KIF2A: variants seen among roughly 807,000 people sequenced by gnomAD.
The protein encoded by KIF2A is kinesin family member 2A, also known as kinesin-like protein KIF2A.
KIF2A carries 22 observed loss-of-function variants against 100.2 expected under a neutral mutation model. That is an observed-to-expected ratio of 0.22 (90% CI 0.16 to 0.31). KIF2A has a LOEUF of 0.31. KIF2A is among the 10% of genes least tolerant of loss of function. The pLI is 1.00. For synonymous variants in KIF2A, 268 were observed against 285.9 expected, an observed-to-expected ratio of 0.94 and a Z score of 0.63; for missense variants, 495 against 898.7, an observed-to-expected ratio of 0.55 and a Z score of 5.74.
At position 62,358,202 on chromosome 5, in the gene KIF2A, C is replaced by A; in HGVS notation, c.775C>A (p.Pro259Thr). 1 of 1,601,850 alleles carries A rather than the reference C, an allele frequency of 6.2e-7. No homozygotes were observed. The highest frequency in any genetic ancestry group is 1.7e-5 in the Admixed American group (1 of 57,224). Residue 259 changes from proline (P) to threonine (T), a missense_variant, in exon 9 of 21, where the codon CCA (proline) becomes ACA (threonine). By Grantham distance (38) the Pro-to-Thr change is conservative. Coordinates refer to ENST00000407818, the MANE Select transcript of KIF2A (RefSeq NM_001098511.3). Reference protein sequence around the residue: ...PSKDVVMVHEPKQKVDLTRYL... With the variant: ...PSKDVVMVHETKQKVDLTRYL... ...TAAAGATGTTGTGATGGTACATGAACCAAAACAAAAAGTAGATTTAACAAG... is the reference window on the plus strand; with the variant it reads ...TAAAGATGTTGTGATGGTACATGAAACAAAACAAAAAGTAGATTTAACAAG...
chr5:62,338,685 T>TA (rs1747109192), intron 1 of KIF2A, among the ~76,000 whole-genome samples: 1 of 152,114 alleles, frequency 6.6e-6, no homozygotes, highest in African/African-American at 2.4e-5. Context: ...AAAAAATCCA[T>TA]AATGGAAAAA....
chr5:62,342,887 G>C (rs1202527825), intron 1 of KIF2A, among the ~76,000 whole-genome samples: 1 of 151,690 alleles, frequency 6.6e-6, no homozygotes, highest in East Asian at 1.9e-4. Flanking sequence ...TGAGTAGCTG[G>C]GATTACAGGC....
At chr5:62,322,052 T>C (rs1409566277) in intron 1 of KIF2A, among the ~76,000 whole-genome samples, 2 of 152,118 alleles carry the variant, frequency 1.3e-5, no homozygotes, top group Non-Finnish European at 2.9e-5. Flanking sequence ...CCTGAGTAGC[T>C]AGGACCACAG....
intron 9 of KIF2A, among the ~76,000 whole-genome samples, chr5:62,359,465 A>C (rs549477225): frequency 2.0e-5 from 3 of 152,200 alleles, no homozygotes; most frequent in African/African-American, 7.2e-5. Flanking sequence ...TGTAAAAAAA[A>C]AAAGGATCAA....
intron 14 of KIF2A, among the ~76,000 whole-genome samples, chr5:62,364,448 G>C (rs993289131): frequency 6.6e-6 from 1 of 152,002 alleles, no homozygotes; most frequent in African/African-American, 2.4e-5. Context: ...GCCCGGCCCA[G>C]AGGGTCTTAA....
At chr5:62,337,982 G>A (rs944980183) in intron 1 of KIF2A, among the ~76,000 whole-genome samples, 18 of 152,116 alleles carry the variant, frequency 1.2e-4, no homozygotes, top group African/African-American at 3.9e-4. Flanking sequence ...TTCACAAGCT[G>A]ATTCTAAAGT....
chr5:62,348,252 G>T, intron 3 of KIF2A, 85 bp downstream of exon 3: 1 of 1,416,248 alleles, frequency 7.1e-7, no homozygotes, highest in Non-Finnish European at 9.8e-7. Context: ...AAATTGGTAG[G>T]CTTTGAAGAG....
At chr5:62,312,133 A>C (rs994808991) in intron 1 of KIF2A, among the ~76,000 whole-genome samples, 2 of 136,242 alleles carry the variant, frequency 1.5e-5, no homozygotes, top group African/African-American at 4.9e-5. Context: ...AAAGAAGCTC[A>C]AAAAACTTAA....
intron 1 of KIF2A, among the ~76,000 whole-genome samples, chr5:62,334,273 C>T (rs1184285817): frequency 2.0e-5 from 3 of 152,024 alleles, no homozygotes; most frequent in Non-Finnish European, 4.4e-5. Flanking sequence ...GGGCCTGAGC[C>T]TGGACTTGGG....
chr5:62,345,847 A>T lies in KIF2A; in HGVS notation c.65-1283A>T, dbSNP rs558434386. Among the ~76,000 whole-genome samples, 11 of 152,300 alleles carry T rather than the reference A, an allele frequency of 7.2e-5. No individual in the cohort carries two copies. In the South Asian group the frequency reaches 2.3e-3, roughly 32 times the overall value. On this transcript the variant is annotated intron_variant, in intron 1 of 20. Transcript: ENST00000407818. ...GGATTTCTATTAGGAAATATTGAAG[A>T]TGCAGTATATTGCATAGTTTCTGTC...
chr5:62,361,296 C>T lies in KIF2A; in HGVS notation c.927C>T (p.Cys309=). 1 of 1,608,950 alleles carries T rather than the reference C, an allele frequency of 6.2e-7. No homozygotes were observed. Among genetic ancestry groups the T allele is most frequent in the Non-Finnish European group, 8.5e-7 (1 of 1,176,910 alleles). The change falls in exon 10 of 21, where the codon TGC becomes TGT. Residue 309 remains cysteine, a synonymous_variant. Transcript: ENST00000407818. ...ETIFERGMAT[C]FAYGQTGSGK... is the part of the protein sequence containing the mutation. ...TATTTGAAAGGGGAATGGCTACATG[C>T]TTTGCTTATGGGCAGACTGGAAGTG...
At chr5:62,350,946 T>C (rs1580060498) in intron 4 of KIF2A, among the ~76,000 whole-genome samples, 1 of 150,062 alleles carries the variant, frequency 6.7e-6, no homozygotes, top group Non-Finnish European at 1.5e-5. Flanking sequence ...ATGTATGGGA[T>C]GATGGCTGGG....
intron 18 of KIF2A, 72 bp downstream of exon 18, chr5:62,373,909 A>C (rs983078798): frequency 7.4e-6 from 9 of 1,211,664 alleles, no homozygotes; most frequent in Non-Finnish European, 1.1e-5. Flanking sequence ...ACTGAAAACT[A>C]TCATTTAAAT....
In KIF2A at chr5:62,306,502, G is replaced by C. The variant is rs571541885; in HGVS notation, c.30G>C (p.Gln10His). The change falls in exon 1 of 21, where the codon CAG becomes CAC. Residue 10 changes from glutamine (Q) to histidine (H), a missense_variant. This residue lies in a region of KIF2A where 26 missense variants were observed against 16.4 expected (regional missense o/e 1.59). Coordinates refer to ENST00000407818, the MANE Select transcript of KIF2A (RefSeq NM_001098511.3). MATANFGKI[Q>H]IGIYVEIKRS... ...CAACGGCCAACTTCGGCAAGATCCA[G>C]ATCGGGATTTACGTGGAGATCAAGC... 1 of 1,546,256 alleles carries C rather than the reference G, an allele frequency of 6.5e-7. No individual in the cohort carries two copies. The highest frequency in any genetic ancestry group is 1.4e-5 in the African/African-American group (1 of 72,326).
At chr5:62,357,280 C>T (rs1251482795) in intron 7 of KIF2A, among the ~76,000 whole-genome samples, 4 of 147,794 alleles carry the variant, frequency 2.7e-5, no homozygotes, top group South Asian at 2.2e-4. Flanking sequence ...AATGGGGTTT[C>T]TCCATGTTGG....
At chr5:62,384,958 C>A (rs563278438) in intron 20 of KIF2A, among the ~76,000 whole-genome samples, 2 of 152,120 alleles carry the variant, frequency 1.3e-5, no homozygotes, top group Non-Finnish European at 2.9e-5. Flanking sequence ...GCATGGCCAA[C>A]ATGGTAAAAC....
intron 1 of KIF2A, among the ~76,000 whole-genome samples, chr5:62,345,524 A>AC (rs1747519102): frequency 6.6e-6 from 1 of 151,054 alleles, no homozygotes; most frequent in African/African-American, 2.4e-5. Flanking sequence ...TAGGTCGGGC[A>AC]CAGTGGCTCA....
chr5:62,384,968 C>A (rs910707965), intron 20 of KIF2A, among the ~76,000 whole-genome samples: 23 of 152,096 alleles, frequency 1.5e-4, no homozygotes, highest in Non-Finnish European at 3.4e-4. Flanking sequence ...CATGGTAAAA[C>A]CCCGTATCTA....
intron 1 of KIF2A, among the ~76,000 whole-genome samples, chr5:62,319,243 A>C (rs1465170287): frequency 5.9e-5 from 9 of 152,216 alleles, no homozygotes; most frequent in African/African-American, 2.2e-4. Flanking sequence ...CCTTTCAGGC[A>C]TGTAGGTTTG....
Sources: gnomAD v4.1 joint callset for allele counts (sites outside exome capture counted in the v4.1 genomes callset) on GRCh38, gnomAD v4.1.1 for gene constraint, gnomAD v4.1.1 regional missense constraint, MANE v1.5 for transcripts, NCBI Gene and HGNC (gene_info 2026-07-23, HGNC 2026-07-21) for gene names.